Variants in PRKG1 observed in about 807,000 individuals in gnomAD.
PRKG1 encodes cGMP-dependent protein kinase 1.
PRKG1 carries 35 observed loss-of-function variants against 88.1 expected under a neutral mutation model. The ratio of observed to expected loss-of-function variants is 0.40; its 90% confidence interval spans 0.30 to 0.53. PRKG1 has a LOEUF of 0.53. PRKG1 is among the 20% of genes least tolerant of loss of function. The pLI is 0.59. For missense variants in PRKG1, 540 were observed against 839.8 expected, an observed-to-expected ratio of 0.64 and a Z score of 4.41; for synonymous variants, 303 against 292.5, an observed-to-expected ratio of 1.04 and a Z score of -0.37.
At chr10:51,440,822 A>G (rs1171205848) in intron 2 of PRKG1, among the ~76,000 whole-genome samples, 1 of 151,956 alleles carries the variant, frequency 6.6e-6, no homozygotes, top group African/African-American at 2.4e-5. Flanking sequence ...GAGGGTGCTT[A>G]AAGAAGTTAC....
chr10:51,091,790 C>T (rs1221076091), intron 1 of PRKG1, among the ~76,000 whole-genome samples: 1 of 152,094 alleles, frequency 6.6e-6, no homozygotes, highest in Non-Finnish European at 1.5e-5. Flanking sequence ...ATTAATATAC[C>T]TTTTCCCTCT....
intron 9 of PRKG1, among the ~76,000 whole-genome samples, chr10:52,183,522 A>T (rs1839101505): frequency 6.6e-6 from 1 of 152,078 alleles, no homozygotes; most frequent in South Asian, 2.1e-4. Flanking sequence ...GGGTGGCAGG[A>T]GTTGGTTTTC....
intron 7 of PRKG1, among the ~76,000 whole-genome samples, chr10:52,117,274 C>T (rs993903796): frequency 1.3e-5 from 2 of 149,908 alleles, no homozygotes. Flanking sequence ...TAAGATGTCC[C>T]TGCTGAAAAA....
intron 9 of PRKG1, among the ~76,000 whole-genome samples, chr10:52,232,282 G>A (rs1198682023): frequency 2.0e-5 from 3 of 151,612 alleles, no homozygotes; most frequent in African/African-American, 7.3e-5. Flanking sequence ...CAGCCTGGGC[G>A]ACAGAGCTAG....
chr10:51,334,360 T>G (rs1266070431), intron 2 of PRKG1, among the ~76,000 whole-genome samples: 1 of 152,174 alleles, frequency 6.6e-6, no homozygotes, highest in African/African-American at 2.4e-5. Flanking sequence ...TCACACCATC[T>G]GAAATTAATT....
At chr10:51,718,664 A>T (rs1421587805) in intron 3 of PRKG1, among the ~76,000 whole-genome samples, 1 of 152,224 alleles carries the variant, frequency 6.6e-6, no homozygotes, top group Non-Finnish European at 1.5e-5. Flanking sequence ...TCTTTCTTAC[A>T]GATAAACTCC....
At chr10:51,635,467 G>A (rs1187548282) in intron 3 of PRKG1, among the ~76,000 whole-genome samples, 1 of 151,916 alleles carries the variant, frequency 6.6e-6, no homozygotes, top group Non-Finnish European at 1.5e-5. Context: ...GAAAGTACAG[G>A]ATTAAATAAA....
At chr10:51,200,854 T>C (rs1837895196) in intron 2 of PRKG1, among the ~76,000 whole-genome samples, 1 of 152,174 alleles carries the variant, frequency 6.6e-6, no homozygotes, top group Non-Finnish European at 1.5e-5. Flanking sequence ...TTTGTTCTTT[T>C]ATTAATCATC....
At chr10:51,087,159 C>T (rs905821544) in intron 1 of PRKG1, among the ~76,000 whole-genome samples, 2 of 152,122 alleles carry the variant, frequency 1.3e-5, no homozygotes, top group African/African-American at 4.8e-5. Context: ...TTCTCTTGCT[C>T]AAATTAGGCT....
At chr10:51,362,510 G>T (rs572972702) in intron 2 of PRKG1, among the ~76,000 whole-genome samples, 38 of 151,100 alleles carry the variant, frequency 2.5e-4, no homozygotes, top group Middle Eastern at 3.4e-3. Context: ...ATTATAAAAA[G>T]GTCATTGATT....
intron 10 of PRKG1, among the ~76,000 whole-genome samples, chr10:52,261,958 T>C (rs1841443372): frequency 6.6e-6 from 1 of 152,112 alleles, no homozygotes; most frequent in Non-Finnish European, 1.5e-5. Context: ...GTGGGCACTT[T>C]AGTTGGCCAT....
At chr10:51,048,265 G>T (rs992379191) in intron 1 of PRKG1, among the ~76,000 whole-genome samples, 1 of 149,008 alleles carries the variant, frequency 6.7e-6, no homozygotes. Flanking sequence ...TCCCTTTCTT[G>T]CTCCCTCTTT....
chr10:51,593,624 T>C (rs1383386642), intron 3 of PRKG1, among the ~76,000 whole-genome samples: 1 of 152,098 alleles, frequency 6.6e-6, no homozygotes, highest in East Asian at 1.9e-4. Flanking sequence ...CTCAACATGG[T>C]AAAGGCATCA....
chr10:51,211,855 T>C (rs1351807305), intron 2 of PRKG1, among the ~76,000 whole-genome samples: 1 of 152,204 alleles, frequency 6.6e-6, no homozygotes, highest in Non-Finnish European at 1.5e-5. Flanking sequence ...TGCTCATGGA[T>C]AGGAAGAATC....
At chr10:51,300,799 G>A (rs1397109739) in intron 2 of PRKG1, among the ~76,000 whole-genome samples, 1 of 152,212 alleles carries the variant, frequency 6.6e-6, no homozygotes, top group Non-Finnish European at 1.5e-5. Context: ...ATATTCAGCA[G>A]CTGTCTCCTC....
At chr10:51,823,357 T>C (rs1420810305) in intron 4 of PRKG1, among the ~76,000 whole-genome samples, 2 of 152,140 alleles carry the variant, frequency 1.3e-5, no homozygotes, top group South Asian at 4.1e-4. Context: ...ATTATATCCA[T>C]TGCTTCTGTA....
chr10:52,268,555 G>A (rs879526030), intron 10 of PRKG1, among the ~76,000 whole-genome samples: 1 of 151,932 alleles, frequency 6.6e-6, no homozygotes, highest in Non-Finnish European at 1.5e-5. Context: ...TAGAAATATT[G>A]TTCAGTTTAT....
In PRKG1 at chr10:52,259,759, C is replaced by T. The variant is rs1328966743; in HGVS notation, c.1173+8093C>T. ...GTTAAACAAAGGAGAGCCACTGTCT[C>T]GTCATCACTATGACCTTGGATGCCA... On this transcript the variant is annotated intron_variant, in intron 10 of 17. Transcript: ENST00000373980. Among the ~76,000 whole-genome samples the T allele has an allele frequency of 6.6e-5, 10 of 152,148 alleles. No homozygotes were observed. In the South Asian group the frequency reaches 1.2e-3, roughly 19 times the overall value.
intron 3 of PRKG1, among the ~76,000 whole-genome samples, chr10:51,713,912 T>C (rs1841821916): frequency 6.6e-6 from 1 of 152,232 alleles, no homozygotes; most frequent in Non-Finnish European, 1.5e-5. Flanking sequence ...TTATTTAGAA[T>C]CTAAAAGAGC....
Sources: allele counts gnomAD v4.1 joint callset (sites outside exome capture counted in the v4.1 genomes callset), GRCh38; gene constraint gnomAD v4.1.1; transcripts MANE v1.5; gene names NCBI Gene and HGNC (gene_info 2026-07-23, HGNC 2026-07-21).